Variants in CTNND2 observed in about 807,000 individuals in gnomAD.
CTNND2 encodes catenin delta 2.
In CTNND2, 22 loss-of-function variants were observed where a neutral mutation model predicts 144.4. The ratio of observed to expected loss-of-function variants is 0.15; its 90% CI spans 0.11 to 0.22. The LOEUF (loss-of-function observed/expected upper bound fraction) is 0.22, where lower values mean the gene tolerates loss of function less well. Among genes scored for constraint, CTNND2 ranks in the 10% least tolerant of loss-of-function variants. The probability of loss-of-function intolerance (pLI) is 1.00; values close to 1 mark genes in which losing one functional copy is unlikely to be tolerated. For missense variants in CTNND2, 1,353 were observed against 1,618.8 expected, an observed-to-expected ratio of 0.84 and a Z score of 2.82; for synonymous variants, 751 against 695.6, an observed-to-expected ratio of 1.08 and a Z score of -1.25.
In CTNND2 at chr5:11,384,459, C is replaced by T; in HGVS notation, c.1177+206G>A. 1.7e-6 allele frequency: 1 copy of T among 587,592 alleles called. No individual in the cohort carries two copies. The highest frequency in any genetic ancestry group is 3.0e-6 in the Non-Finnish European group (1 of 331,512). 36.4% of individuals were successfully genotyped at this position (587,592 alleles called of 1,614,324 possible). ...ATATAGGTGTTAGAGATTGAGACAC[C>T]ACATTACTCCGGAAAAGAAGTCACT... On this transcript the variant is annotated intron_variant, in intron 7 of 21. Transcript: ENST00000304623. This position sits in a 1 kb window ranked among gnomAD's most constrained non-coding sequence, Gnocchi z 5.2.
chr5:11,223,660 G>T (rs954542902), intron 10 of CTNND2, among the ~76,000 whole-genome samples: 4 of 152,156 alleles, frequency 2.6e-5, no homozygotes, highest in African/African-American at 9.7e-5. Context: ...CTAGAGCCAG[G>T]AGAGGTGCTC....
chr5:11,087,828 T>C (rs1750338529), intron 15 of CTNND2, among the ~76,000 whole-genome samples: 1 of 152,200 alleles, frequency 6.6e-6, no homozygotes, highest in South Asian at 2.1e-4. Flanking sequence ...TTTTAGCCCA[T>C]ATGTTTATGC....
At chr5:11,703,581 T>C (rs1271596103) in intron 2 of CTNND2, among the ~76,000 whole-genome samples, 2 of 152,232 alleles carry the variant, frequency 1.3e-5, no homozygotes, top group African/African-American at 4.8e-5. Flanking sequence ...TAACATTTAT[T>C]CAGCAAATGC....
At chr5:11,711,134 C>T (rs908837899) in intron 2 of CTNND2, among the ~76,000 whole-genome samples, 29 of 152,180 alleles carry the variant, frequency 1.9e-4, no homozygotes, top group African/African-American at 6.7e-4. Flanking sequence ...TGGCTCACTG[C>T]AACCTCTGCC....
intron 9 of CTNND2, among the ~76,000 whole-genome samples, chr5:11,319,017 A>G (rs1483186751): frequency 6.6e-6 from 1 of 152,128 alleles, no homozygotes; most frequent in Admixed American, 6.5e-5. Flanking sequence ...AAATTACTCT[A>G]CACAGCAATT....
intron 7 of CTNND2, among the ~76,000 whole-genome samples, chr5:11,380,934 A>C (rs1426088902): frequency 6.6e-6 from 1 of 152,206 alleles, no homozygotes; most frequent in Non-Finnish European, 1.5e-5. Flanking sequence ...GACAGATATC[A>C]CCTATGCAAA....
intron 14 of CTNND2, among the ~76,000 whole-genome samples, chr5:11,110,211 C>T (rs947275465): frequency 5.9e-5 from 9 of 152,056 alleles, no homozygotes; most frequent in Non-Finnish European, 1.0e-4. Context: ...TAGCGGCCTT[C>T]GTTTTGCTGC....
At chr5:11,565,679 A>G (rs1777033910) in intron 2 of CTNND2, among the ~76,000 whole-genome samples, 1 of 152,200 alleles carries the variant, frequency 6.6e-6, no homozygotes, top group Non-Finnish European at 1.5e-5. Flanking sequence ...TTAAAAACAG[A>G]CAATTGAACC....
chr5:11,134,291 C>T (rs1755911026), intron 12 of CTNND2, among the ~76,000 whole-genome samples: 1 of 152,204 alleles, frequency 6.6e-6, no homozygotes, highest in Non-Finnish European at 1.5e-5. Flanking sequence ...TAGTCTACTT[C>T]ATGGGTCTGA....
intron 9 of CTNND2, among the ~76,000 whole-genome samples, chr5:11,284,961 C>A (rs548095303): frequency 3.9e-5 from 6 of 152,312 alleles, no homozygotes; most frequent in South Asian, 4.1e-4. Context: ...ACAGAGCCCC[C>A]CTCCTTGACA....
chr5:11,772,583 G>C (rs553845295), intron 1 of CTNND2, among the ~76,000 whole-genome samples: 1 of 152,264 alleles, frequency 6.6e-6, no homozygotes, highest in Non-Finnish European at 1.5e-5. Flanking sequence ...TTGATTTAAA[G>C]AGTAAACTAT....
intron 3 of CTNND2, among the ~76,000 whole-genome samples, chr5:11,465,658 C>T (rs1308617090): frequency 6.6e-6 from 1 of 152,156 alleles, no homozygotes; most frequent in South Asian, 2.1e-4. Flanking sequence ...ACATCTGTTT[C>T]CCCTTCCAAA....
intron 3 of CTNND2, among the ~76,000 whole-genome samples, chr5:11,468,271 G>A (rs901046353): frequency 1.3e-5 from 2 of 152,206 alleles, no homozygotes; most frequent in Non-Finnish European, 1.5e-5. Context: ...TTAAGCATCA[G>A]TCAGTCCTTA....
chr5:11,846,525 T>A (rs1032787942), intron 1 of CTNND2, among the ~76,000 whole-genome samples: 2 of 152,104 alleles, frequency 1.3e-5, no homozygotes, highest in African/African-American at 4.8e-5. Context: ...GCTTCATGAA[T>A]TTCAACTGGA....
chr5:11,440,434 T>C (rs1764159859), intron 3 of CTNND2, among the ~76,000 whole-genome samples: 1 of 152,178 alleles, frequency 6.6e-6, no homozygotes, highest in Admixed American at 6.5e-5. Flanking sequence ...ACTATTTTAA[T>C]AAGACAGGCA....
intron 12 of CTNND2, among the ~76,000 whole-genome samples, chr5:11,124,696 C>T (rs1431578186): frequency 3.3e-5 from 5 of 152,182 alleles, no homozygotes; most frequent in East Asian, 3.9e-4. Context: ...GTCACTGGCA[C>T]GATCAACCCC....
intron 9 of CTNND2, among the ~76,000 whole-genome samples, chr5:11,316,724 G>A (rs1479682349): frequency 7.0e-6 from 1 of 143,458 alleles, no homozygotes; most frequent in Non-Finnish European, 1.5e-5. Context: ...TCCCGCCTAT[G>A]AGTGAGAACA....
At chr5:11,898,955 G>A (rs1404458361) in intron 1 of CTNND2, among the ~76,000 whole-genome samples, 1 of 152,122 alleles carries the variant, frequency 6.6e-6, no homozygotes, top group Admixed American at 6.5e-5. Flanking sequence ...AAGCCCCTCT[G>A]GGTTTGATCA....
intron 9 of CTNND2, among the ~76,000 whole-genome samples, chr5:11,289,153 T>A (rs1748054514): frequency 6.6e-6 from 1 of 152,236 alleles, no homozygotes; most frequent in African/African-American, 2.4e-5. Flanking sequence ...ATCCTCGTGC[T>A]GTTCTCTGTG....
Sources: gnomAD v4.1 joint callset for allele counts (sites outside exome capture counted in the v4.1 genomes callset) on GRCh38, gnomAD v4.1.1 for gene constraint, Gnocchi (gnomAD v3.1) non-coding constraint, MANE v1.5 for transcripts, NCBI Gene and HGNC (gene_info 2026-07-23, HGNC 2026-07-21) for gene names.